SCAF11: variants seen among roughly 807,000 people sequenced by gnomAD.
The protein encoded by SCAF11 is protein SCAF11.
Under a neutral mutation model 140.5 loss-of-function variants are expected in SCAF11, and 47 were observed. That is an observed-to-expected ratio of 0.33 (90% confidence interval 0.26 to 0.43). The LOEUF is 0.43. Ranked by LOEUF, SCAF11 falls within the 20% of genes least tolerant of loss-of-function variation. The probability of loss-of-function intolerance (pLI) is 1.00; values close to 1 mark genes in which losing one functional copy is unlikely to be tolerated. For missense variants in SCAF11, 1,645 were observed against 1,705.1 expected (o/e 0.96, Z 0.62); for synonymous variants, 557 against 579.4 (o/e 0.96, Z 0.55).
In SCAF11 at chr12:45,926,297, G is replaced by A. The variant is rs753575847; in HGVS notation, c.3404C>T (p.Thr1135Ile). 2 of 1,614,120 alleles carry A rather than the reference G, an allele frequency of 1.2e-6. No individual in the cohort carries two copies. Among genetic ancestry groups the A allele is most frequent in the East Asian group, 2.2e-5 (1 of 44,886 alleles). The change falls in exon 11 of 15, where the codon ACA becomes ATA. Residue 1135 changes from threonine to isoleucine, a missense_variant. Around this residue, in one of 2 missense-constraint regions of SCAF11, gnomAD observed 1,582 missense variants for 1,609.2 expected, o/e 0.98. Transcript: ENST00000369367. ...RKSEQEFSFD[T>I]PADRSGWTSA... is the part of the protein sequence containing the mutation. The stretch of plus-strand genomic sequence containing the variant: ...TGTCCATCCAGATCTATCTGCTGGT[G>A]TATCAAATGAGAACTCCTGTTCACT...
chr12:45,935,643 C>T (rs866317958), intron 6 of SCAF11, among the ~76,000 whole-genome samples: 4 of 152,132 alleles, frequency 2.6e-5, no homozygotes, highest in Non-Finnish European at 4.4e-5. Flanking sequence ...CAACACTTAA[C>T]GAGTATGTAG....
intron 2 of SCAF11, among the ~76,000 whole-genome samples, chr12:45,962,958 A>G (rs1945861710): frequency 6.6e-6 from 1 of 152,246 alleles, no homozygotes; most frequent in South Asian, 2.1e-4. Flanking sequence ...CAGGAAACAC[A>G]TTTAGAAATC....
rs1199581543 is a variant in SCAF11, at chr12:45,933,163, T to C, written c.702A>G (p.Ser234=). Residue 234 remains serine, a synonymous_variant, in exon 9 of 15, where the codon TCA becomes TCG. Coordinates refer to ENST00000369367, the MANE Select transcript of SCAF11 (RefSeq NM_004719.3). ...IRQKRHELEL[S]WFPDTLPGIG... is the part of the protein sequence containing the mutation. ...TTCCAGGTAATGTATCAGGAAACCA[T>C]GACAATTCCAGTTCATGTCTCTTCT... 6.2e-7 allele frequency: 1 copy of C among 1,611,506 alleles called. No individual in the cohort carries two copies. Among genetic ancestry groups the C allele is most frequent in the Non-Finnish European group, 8.5e-7 (1 of 1,178,982 alleles).
upstream of SCAF11, chr12:45,991,826 G>A: frequency 8.6e-7 from 1 of 1,159,836 alleles, no homozygotes; most frequent in African/African-American, 1.6e-5. Flanking sequence ...TCCCACCCAC[G>A]CCCTTGTCCT....
intron 1 of SCAF11, among the ~76,000 whole-genome samples, chr12:45,981,688 T>C (rs1432511338): frequency 1.3e-5 from 2 of 152,112 alleles, no homozygotes; most frequent in African/African-American, 2.4e-5. Context: ...CTAGGTACTC[T>C]GGAGGCTAAG....
intron 10 of SCAF11, chr12:45,931,103 T>G (rs1036632500): frequency 6.6e-6 from 1 of 152,338 alleles, no homozygotes; most frequent in African/African-American, 2.4e-5. Context: ...CCCCCTAATC[T>G]ACAATCTAGT....
chr12:45,934,036 C>CG, intron 8 of SCAF11, 140 bp downstream of exon 8: 1 of 532,172 alleles, frequency 1.9e-6, no homozygotes, highest in Admixed American at 3.7e-5. Flanking sequence ...CCTTCCCCCC[C>CG]GCCCAAAAAA....
chr12:45,982,051 T>C (rs1316722983), intron 1 of SCAF11, among the ~76,000 whole-genome samples: 1 of 152,196 alleles, frequency 6.6e-6, no homozygotes, highest in Non-Finnish European at 1.5e-5. Flanking sequence ...GAACTATATT[T>C]TAAACCTTTT....
At chr12:45,957,528 C>A (rs757399434) in intron 3 of SCAF11, among the ~76,000 whole-genome samples, 11 of 152,052 alleles carry the variant, frequency 7.2e-5, no homozygotes, top group Non-Finnish European at 1.6e-4. Flanking sequence ...GGAGAGAAAC[C>A]ATGCCTTTGC....
At position 45,921,871 on chromosome 12, in the gene SCAF11, A is replaced by C; in HGVS notation, c.*177T>G. The C allele has an allele frequency of 1.5e-6, 1 of 651,398 alleles. No individual in the cohort carries two copies. Among genetic ancestry groups the C allele is most frequent in the Admixed American group, 3.2e-5 (1 of 31,358 alleles). The allele number at this position is 651,398 out of a possible 1,614,324, so 40.4% of individuals were successfully genotyped here. The stretch of plus-strand genomic sequence containing the variant: ...GAGGGTGGAGGGGAAGGAAGGATAC[A>C]GAAGTTGCAGTGCAGACCTATATTT... On this transcript the variant is annotated 3_prime_UTR_variant, in exon 15 of 15. Transcript: ENST00000369367.
Position 45,990,413 on chromosome 12 carries a change from A to G in SCAF11, c.-82T>C. On this transcript the variant is annotated 5_prime_UTR_variant, in exon 1 of 15. Coordinates refer to ENST00000369367, the MANE Select transcript of SCAF11 (RefSeq NM_004719.3). ...GCCCCACAGTAGGTTCCCAGGTCCC[A>G]GTCACTCCGCTGCCAAGTTCCCCAA... is the stretch of plus-strand genomic sequence containing the variant. 1 of 1,232,124 alleles carries G rather than the reference A, an allele frequency of 8.1e-7. No individual in the cohort carries two copies. The highest frequency in any genetic ancestry group is 1.0e-6 in the Non-Finnish European group (1 of 988,418). The allele number at this position is 1,232,124 out of a possible 1,614,324, so 76.3% of individuals were successfully genotyped here.
At chr12:45,973,756 C>A (rs1946169579) in intron 1 of SCAF11, among the ~76,000 whole-genome samples, 1 of 151,952 alleles carries the variant, frequency 6.6e-6, no homozygotes, top group Admixed American at 6.6e-5. Flanking sequence ...GTGAAAATAT[C>A]CTTCAGGAAT....
Position 45,928,497 on chromosome 12 carries a change from A to G in SCAF11, c.1204T>C (p.Ser402Pro). 6.2e-7 allele frequency: 1 copy of G among 1,613,510 alleles called. No homozygotes were observed. Among genetic ancestry groups the G allele is most frequent in the Non-Finnish European group, 8.5e-7 (1 of 1,179,786 alleles). The change falls in exon 11 of 15, where the codon TCC becomes CCC. Residue 402 changes from serine (S) to proline (P), a missense_variant. Around this residue, in one of 2 missense-constraint regions of SCAF11, gnomAD observed 1,582 missense variants for 1,609.2 expected, o/e 0.98. Transcript: ENST00000369367. ...SSVAAPEKSSSNDSVDEETAE... is the reference protein window; with the variant it reads ...SSVAAPEKSSPNDSVDEETAE... ...GTTTCTTCATCTACTGAATCATTGGAAGATGATTTTTCAGGGGCAGCTACA... is the reference window on the plus strand; with the variant it reads ...GTTTCTTCATCTACTGAATCATTGGGAGATGATTTTTCAGGGGCAGCTACA...
chr12:45,975,783 A>C (rs765831196), intron 1 of SCAF11: 2 of 152,188 alleles, frequency 1.3e-5, no homozygotes, highest in Non-Finnish European at 2.9e-5. Flanking sequence ...ATGAGAGAAC[A>C]GCTGGTCAGT....
intron 1 of SCAF11, among the ~76,000 whole-genome samples, chr12:45,983,379 A>T (rs915538248): frequency 6.6e-6 from 1 of 152,216 alleles, no homozygotes; most frequent in African/African-American, 2.4e-5. Context: ...CCTGGAGTTC[A>T]GAACTATGGG....
chr12:45,927,979 A>G lies in SCAF11; in HGVS notation c.1722T>C (p.Asn574=). ...VSCPLSDLSE[N]VESVVNEEKI... ...TTTCTTCATTAACCACTGACTCTAC[A>G]TTCTCAGATAAGTCACTTAGGGGAC... The change falls in exon 11 of 15, where the codon AAT becomes AAC. Residue 574 remains asparagine, a synonymous_variant. Transcript: ENST00000369367. 2 of 1,613,212 alleles carry G rather than the reference A, an allele frequency of 1.2e-6. No homozygotes were observed. Among genetic ancestry groups the G allele is most frequent in the Non-Finnish European group, 1.7e-6 (2 of 1,179,980 alleles).
chr12:45,981,943 A>G (rs1048730855), intron 1 of SCAF11, among the ~76,000 whole-genome samples: 6 of 152,160 alleles, frequency 3.9e-5, no homozygotes, highest in Admixed American at 3.9e-4. Flanking sequence ...TCTACAAGAA[A>G]CTCCCTTTAA....
At chr12:45,940,704 G>C (rs1945275506) in intron 6 of SCAF11, among the ~76,000 whole-genome samples, 1 of 152,124 alleles carries the variant, frequency 6.6e-6, no homozygotes, top group Non-Finnish European at 1.5e-5. Context: ...ACTTCAACCA[G>C]GTTAGTTTAT....
In SCAF11 at chr12:45,928,724, T is replaced by C. The variant is rs745475488; in HGVS notation, c.977A>G (p.Asn326Ser). ...CTGACTGGCTGTTTCAGCTCTTGTGTTACGTGTAGACCTCCTTGTAGGAGT... is the reference window on the plus strand; with the variant it reads ...CTGACTGGCTGTTTCAGCTCTTGTGCTACGTGTAGACCTCCTTGTAGGAGT... ...MTTPTRRSTR[N>S]TRAETASQSQ... Residue 326 changes from asparagine to serine, a missense_variant, in exon 11 of 15, where the codon AAC (asparagine) becomes AGC (serine). By Grantham distance (46) the Asn-to-Ser change is conservative. Coordinates refer to ENST00000369367, the MANE Select transcript of SCAF11 (RefSeq NM_004719.3). The C allele has an allele frequency of 8.6e-5, 139 of 1,614,004 alleles. No individual in the cohort carries two copies. Among genetic ancestry groups the C allele is most frequent in the Non-Finnish European group, 9.7e-5 (115 of 1,180,010 alleles).
Sources: gnomAD v4.1 joint callset for allele counts (sites outside exome capture counted in the v4.1 genomes callset) on GRCh38, gnomAD v4.1.1 for gene constraint, gnomAD v4.1.1 regional missense constraint, MANE v1.5 for transcripts, NCBI Gene and HGNC (gene_info 2026-07-23, HGNC 2026-07-21) for gene names.